Variants in PDXDC1 observed in about 807,000 individuals in gnomAD.
PDXDC1 encodes pyridoxal-dependent decarboxylase domain-containing protein 1.
A neutral mutation model predicts 100.1 loss-of-function variants in PDXDC1; 42 were observed. The observed-to-expected ratio is 0.42, with a 90% CI of 0.33 to 0.54. The LOEUF is 0.54. Ranked by LOEUF, PDXDC1 falls within the 20% of genes least tolerant of loss-of-function variation. The pLI, the probability that PDXDC1 is intolerant of heterozygous loss-of-function variation, is 0.10. For synonymous variants in PDXDC1, 260 were observed against 371.7 expected (o/e 0.70, Z 3.46); for missense variants, 636 against 979.2 (o/e 0.65, Z 4.68).
At position 15,092,343 on chromosome 16, in the gene PDXDC1, G is replaced by C. The variant is rs544083227; in HGVS notation, c.1400-46536G>C. ...ATGGGCCAAGGTGGGGGAAAAAAAG[G>C]ACACTATTACTCTAATTTTGCACTG... On this transcript the variant is annotated intron_variant, in intron 16 of 16. Coordinates refer to the PDXDC1 transcript ENST00000535621. Among the ~76,000 whole-genome samples the C allele has an allele frequency of 3.9e-5, 6 of 152,216 alleles. No homozygotes were observed. The South Asian group carries it at 1.2e-3, about 32-fold the overall frequency.
intron 4 of PDXDC1, 147 bp downstream of exon 4, chr16:15,002,003 A>G (rs1311463319): frequency 3.0e-6 from 2 of 671,820 alleles, no homozygotes; most frequent in East Asian, 3.2e-5. Context: ...TCAGAAAGAC[A>G]TTTATATTAA....
chr16:15,038,176 TG>T lies in PDXDC1; in HGVS notation c.*1905del. On this transcript the variant is annotated 3_prime_UTR_variant, in exon 23 of 23. Transcript: ENST00000396410. ...GGTAGATCTAATATGTTCAACAAAG[TG>T]GGGTGGCTCAGCCAGAGGCGAAGTG... is the stretch of plus-strand genomic sequence containing the variant. 6.2e-7 allele frequency: 1 copy of T among 1,613,306 alleles called. No individual in the cohort carries two copies. Among genetic ancestry groups the T allele is most frequent in the Non-Finnish European group, 8.5e-7 (1 of 1,179,754 alleles).
chr16:15,122,929 A>C (rs2047509389), intron 16 of PDXDC1, among the ~76,000 whole-genome samples: 1 of 147,980 alleles, frequency 6.8e-6, no homozygotes, highest in Non-Finnish European at 1.5e-5. Context: ...GAGGAGGAGA[A>C]GAAGAAAGGG....
At chr16:15,088,965 G>A (rs1178411692) in intron 16 of PDXDC1, among the ~76,000 whole-genome samples, 2 of 152,006 alleles carry the variant, frequency 1.3e-5, no homozygotes, top group African/African-American at 2.4e-5. Context: ...TAAGTTTGGA[G>A]CATCTATGAT....
chr16:15,011,631 C>CTTTTT, intron 8 of PDXDC1, among the ~76,000 whole-genome samples: 6 of 131,274 alleles, frequency 4.6e-5, no homozygotes, highest in Non-Finnish European at 8.2e-5. Context: ...ACATTTTTTT[C>CTTTTT]TTTTTTTTTT....
intron 8 of PDXDC1, among the ~76,000 whole-genome samples, chr16:15,011,447 A>T (rs1404727302): frequency 6.6e-6 from 1 of 152,286 alleles, no homozygotes; most frequent in African/African-American, 2.4e-5. Flanking sequence ...CTAAGACAAT[A>T]AAATGTCTCA....
chr16:15,031,980 C>T (rs2043093778), intron 17 of PDXDC1, 74 bp downstream of exon 17: 1 of 1,267,884 alleles, frequency 7.9e-7, no homozygotes, highest in Admixed American at 2.1e-5. Context: ...TTTTCTGAAC[C>T]ACCTTAGAAA....
At chr16:15,132,515 G>T (rs1393947781) in intron 16 of PDXDC1, among the ~76,000 whole-genome samples, 2 of 150,330 alleles carry the variant, frequency 1.3e-5, no homozygotes, top group African/African-American at 4.9e-5. Flanking sequence ...TACACCCTGG[G>T]TCCCCCGAGA....
downstream of PDXDC1, chr16:15,040,117 A>G: frequency 1.0e-6 from 1 of 964,294 alleles, no homozygotes; most frequent in Non-Finnish European, 1.7e-6. Flanking sequence ...CAAAGCGGAA[A>G]GTCTGCACAG....
In PDXDC1 at chr16:15,037,722, G is replaced by T. The variant is rs2043564534; in HGVS notation, c.*1447G>T. On this transcript the variant is annotated 3_prime_UTR_variant, in exon 23 of 23. Transcript: ENST00000396410. Reference sequence around the variant, plus strand: ...TCAGTTTATAAATCTTATTACAAAAGACTTACCCACGTACCTGAAATAGCT... The same window carrying T: ...TCAGTTTATAAATCTTATTACAAAATACTTACCCACGTACCTGAAATAGCT... 8.4e-6 allele frequency: 2 copies of T among 239,230 alleles called. No homozygotes were observed. The highest frequency in any genetic ancestry group is 4.5e-5 in the African/African-American group (2 of 44,722). 14.8% of individuals were successfully genotyped at this position (239,230 alleles called of 1,614,324 possible).
intron 16 of PDXDC1, chr16:15,104,437 T>C: frequency 1.5e-6 from 2 of 1,303,002 alleles, no homozygotes; most frequent in Non-Finnish European, 9.9e-7. Flanking sequence ...CCGCTGAGGG[T>C]GGAGCTGAGG....
rs372541868 is a variant in PDXDC1 at position 15,122,778 on chromosome 16, G to T, written c.1400-16101G>T. ...CAGAGGTGGAGGTGGCTTAGGGCAGGGGGGAGGGAAGGGGACGGGGACTGG... is the reference window on the plus strand; with the variant it reads ...CAGAGGTGGAGGTGGCTTAGGGCAGTGGGGAGGGAAGGGGACGGGGACTGG... On this transcript the variant is annotated intron_variant, in intron 16 of 16. Coordinates refer to the PDXDC1 transcript ENST00000535621. Among the ~76,000 whole-genome samples, 47 of 142,596 alleles carry T rather than the reference G, an allele frequency of 3.3e-4. No homozygotes were observed. In the South Asian group the frequency reaches 7.5e-3, roughly 23 times the overall value. The allele number at this position is 142,596 out of a possible 152,430, so 93.5% of individuals were successfully genotyped here.
intron 16 of PDXDC1, chr16:15,086,457 T>A: frequency 6.2e-7 from 1 of 1,611,804 alleles, no homozygotes; most frequent in Non-Finnish European, 8.5e-7. Flanking sequence ...TGGTCATCCT[T>A]AAGTTAAACA....
intron 16 of PDXDC1, chr16:15,125,677 A>C (rs778636594): frequency 1.5e-6 from 2 of 1,351,468 alleles, no homozygotes; most frequent in East Asian, 2.3e-5. Context: ...CAGGACCCCC[A>C]GTAGAGCCCT....
chr16:15,084,376 A>G (rs1031074533), intron 16 of PDXDC1, among the ~76,000 whole-genome samples: 14 of 152,236 alleles, frequency 9.2e-5, no homozygotes, highest in African/African-American at 2.7e-4. Context: ...TTTGGATAGC[A>G]TATCTGTTGA....
intron 16 of PDXDC1, among the ~76,000 whole-genome samples, chr16:15,129,590 G>A (rs1160007677): frequency 2.0e-5 from 3 of 152,218 alleles, no homozygotes; most frequent in East Asian, 3.8e-4. Context: ...GTGGATGCAC[G>A]GTCTCCCACA....
At position 15,036,023 on chromosome 16, in the gene PDXDC1, G is replaced by T; in HGVS notation, c.2115G>T (p.Lys705Asn). 6.2e-7 allele frequency: 1 copy of T among 1,612,606 alleles called. No individual in the cohort carries two copies. Among genetic ancestry groups the T allele is most frequent in the Non-Finnish European group, 8.5e-7 (1 of 1,179,206 alleles). ...TGTCTGCCCTTTCTGTAGGCCAGAAGCCTTTTAAAAGGTCCCTGCGAGGTT... is the reference window on the plus strand; with the variant it reads ...TGTCTGCCCTTTCTGTAGGCCAGAATCCTTTTAAAAGGTCCCTGCGAGGTT... The part of the protein sequence containing the change: ...SRTKQRLPGQ[K>N]PFKRSLRGSD... Residue 705 changes from lysine to asparagine, a missense_variant, in exon 23 of 23, where the codon AAG (lysine) becomes AAT (asparagine). Transcript: ENST00000396410.
rs183277031 is a variant in PDXDC1 at position 15,069,952 on chromosome 16, G to A, written c.1399+39896G>A. The A allele has an allele frequency of 3.2e-4, 461 of 1,451,540 alleles. 4 individuals carry two copies. In the East Asian group the frequency reaches 9.8e-3, roughly 31 times the overall value. 89.9% of individuals were successfully genotyped at this position (1,451,540 alleles called of 1,614,324 possible). The stretch of plus-strand genomic sequence containing the variant: ...TGAAATTATTATTAAAAGTTTGAGT[G>A]CACATGCAGTTTTCTGAATCCAGTT... On this transcript the variant is annotated intron_variant, in intron 16 of 16. Transcript: ENST00000535621.
intron 16 of PDXDC1, chr16:15,073,098 C>T: frequency 6.2e-7 from 1 of 1,602,242 alleles, no homozygotes; most frequent in Non-Finnish European, 8.5e-7. Flanking sequence ...GAAAATCTGG[C>T]ATCTCAGTTT....
Sources: allele counts gnomAD v4.1 joint callset (sites outside exome capture counted in the v4.1 genomes callset), GRCh38; gene constraint gnomAD v4.1.1; transcripts MANE v1.5; gene names NCBI Gene and HGNC (gene_info 2026-07-23, HGNC 2026-07-21).